WNK2: variants seen among roughly 807,000 people sequenced by gnomAD.
The protein encoded by WNK2 is serine/threonine-protein kinase WNK2.
A neutral mutation model predicts 192.1 loss-of-function variants in WNK2; 67 were observed. The ratio of observed to expected loss-of-function variants is 0.35; its 90% confidence interval spans 0.29 to 0.43. The LOEUF (loss-of-function observed/expected upper bound fraction) is 0.43, where lower values mean the gene tolerates loss of function less well. WNK2 is among the 20% of genes least tolerant of loss of function. The pLI is 1.00. For synonymous variants in WNK2, 1,439 were observed against 1,393.9 expected (o/e 1.03, Z -0.72); for missense variants, 2,698 against 3,089.7 (o/e 0.87, Z 3.01).
intron 2 of WNK2, among the ~76,000 whole-genome samples, chr9:93,223,430 T>C (rs761843130): frequency 6.6e-6 from 1 of 152,246 alleles, no homozygotes; most frequent in South Asian, 2.1e-4. Context: ...CTGGAGCTTT[T>C]CTTCGGGGGC....
intron 19 of WNK2, among the ~76,000 whole-genome samples, chr9:93,276,242 G>T (rs4744213): frequency 0.75 from 114,238 of 152,096 alleles, 44,583 homozygotes; most frequent in East Asian, 1. Flanking sequence ...TTGGCAAAGG[G>T]ATTGGTACAC....
intron 22 of WNK2, 25 bp from the exon 23 acceptor site, chr9:93,292,466 T>G (rs773822916): frequency 6.2e-7 from 1 of 1,610,192 alleles, no homozygotes; most frequent in East Asian, 2.2e-5. Context: ...ACATGAAACC[T>G]CTTCATCTCC....
intron 26 of WNK2, among the ~76,000 whole-genome samples, chr9:93,304,970 G>C (rs1347134079): frequency 2.6e-5 from 4 of 152,222 alleles, no homozygotes; most frequent in African/African-American, 9.6e-5. Context: ...CCCTGGCTCT[G>C]AGCAGGTGCC....
chr9:93,224,602 GA>G (rs1312483719), intron 2 of WNK2, among the ~76,000 whole-genome samples: 1 of 152,232 alleles, frequency 6.6e-6, no homozygotes, highest in Non-Finnish European at 1.5e-5. Flanking sequence ...TGACCCACAG[GA>G]CCTTTTTCCT....
intron 2 of WNK2, among the ~76,000 whole-genome samples, chr9:93,201,766 C>T (rs1832400751): frequency 6.6e-6 from 1 of 152,220 alleles, no homozygotes; most frequent in Non-Finnish European, 1.5e-5. Context: ...GCCTGTCAGC[C>T]TCTGTAAATA....
In WNK2 at chr9:93,288,920, C is replaced by T. The variant is rs753662833; in HGVS notation, c.4166C>T (p.Pro1389Leu). The change falls in exon 20 of 30, where the codon CCT becomes CTT. Residue 1389 changes from proline to leucine, a missense_variant. Physicochemically the swap from Pro to Leu is moderately conservative, Grantham distance 98. This residue lies in a region of WNK2 where 1,098 missense variants were observed against 1,101.0 expected (regional missense o/e 1.00). Coordinates refer to ENST00000427277, the MANE Select transcript of WNK2 (RefSeq NM_006648.4). ...APPAPLAPSS[P>L]PVTALPQDGA... ...CCAGCCCCTTTGGCCCCCTCCTCCCCTCCTGTGACTGCTCTGCCCCAAGAT... is the reference window on the plus strand; with the variant it reads ...CCAGCCCCTTTGGCCCCCTCCTCCCTTCCTGTGACTGCTCTGCCCCAAGAT... 5 of 1,607,030 alleles carry T rather than the reference C, an allele frequency of 3.1e-6. No individual in the cohort carries two copies. The highest frequency in any genetic ancestry group is 4.2e-6 in the Non-Finnish European group (5 of 1,177,350).
rs1274013250 is a variant in WNK2 at position 93,289,437 on chromosome 9, C to T, written c.4683C>T (p.Tyr1561=). 3 of 1,612,828 alleles carry T rather than the reference C, an allele frequency of 1.9e-6. No homozygotes were observed. The highest frequency in any genetic ancestry group is 2.7e-5 in the African/African-American group (2 of 74,930). ...SLDEKLRTLL[Y]QEHVPTSSAS... ...ACGAGAAGCTGCGGACTCTGCTCTA[C>T]CAGGAGCACGTGCCCACCTCCTCAG... Residue 1561 remains tyrosine, a synonymous_variant, in exon 20 of 30, where the codon TAC becomes TAT. Coordinates refer to ENST00000427277, the MANE Select transcript of WNK2 (RefSeq NM_006648.4).
chr9:93,276,534 G>T (rs1206583024), intron 19 of WNK2, among the ~76,000 whole-genome samples: 1 of 152,184 alleles, frequency 6.6e-6, no homozygotes, highest in African/African-American at 2.4e-5. Flanking sequence ...GGAGTTCTTA[G>T]ACCTGACACC....
At chr9:93,295,556 A>G (rs1046552459) in intron 23 of WNK2, among the ~76,000 whole-genome samples, 1 of 151,932 alleles carries the variant, frequency 6.6e-6, no homozygotes, top group Non-Finnish European at 1.5e-5. Context: ...CTTGCCATCA[A>G]AGGAAGAGGA....
intron 17 of WNK2, 39 bp downstream of exon 17, chr9:93,267,955 G>A: frequency 6.2e-7 from 1 of 1,610,022 alleles, no homozygotes; most frequent in Non-Finnish European, 8.5e-7. Flanking sequence ...TGGTGAGAGT[G>A]CAGTGGCTGG....
In WNK2 at chr9:93,198,480, G is replaced by T. The variant is rs150313891; in HGVS notation, c.681+12870G>T. Reference sequence around the variant, plus strand: ...CGGTAGGGCGTAGGGGCAGGGCTATGTTGTTCCTCCTACCTGCCAGCCCTG... The same window carrying T: ...CGGTAGGGCGTAGGGGCAGGGCTATTTTGTTCCTCCTACCTGCCAGCCCTG... On this transcript the variant is annotated intron_variant, in intron 2 of 29. Coordinates refer to ENST00000427277, the MANE Select transcript of WNK2 (RefSeq NM_006648.4). 3.4e-3 allele frequency among the ~76,000 whole-genome samples: 519 copies of T among 152,294 alleles called. 3 individuals are homozygous for T. The highest frequency in any genetic ancestry group is 0.011 in the African/African-American group (459 of 41,562).
chr9:93,206,851 C>T (rs906360849), intron 2 of WNK2, among the ~76,000 whole-genome samples: 3 of 152,134 alleles, frequency 2.0e-5, no homozygotes, highest in East Asian at 1.9e-4. Context: ...ACTGTGGCAG[C>T]GGCTGGATGT....
At chr9:93,304,327 G>A (rs1852114219) in intron 26 of WNK2, among the ~76,000 whole-genome samples, 1 of 152,256 alleles carries the variant, frequency 6.6e-6, no homozygotes, top group African/African-American at 2.4e-5. Flanking sequence ...CTGCACAAAA[G>A]CAGGAGATGC....
chr9:93,272,131 C>T (rs1369245902), intron 19 of WNK2, among the ~76,000 whole-genome samples: 3 of 152,208 alleles, frequency 2.0e-5, no homozygotes, highest in Non-Finnish European at 4.4e-5. Flanking sequence ...TGTTAAAGAT[C>T]TTCAGACAGA....
intron 27 of WNK2, 142 bp from the exon 28 acceptor site, chr9:93,308,186 G>A (rs1852958375): frequency 2.8e-6 from 4 of 1,432,910 alleles, no homozygotes; most frequent in South Asian, 3.0e-5. Context: ...CCCTTAATCC[G>A]ACCGCCTCTT....
At chr9:93,286,471 C>T (rs922947632) in intron 19 of WNK2, among the ~76,000 whole-genome samples, 3 of 152,162 alleles carry the variant, frequency 2.0e-5, no homozygotes, top group South Asian at 2.1e-4. Flanking sequence ...TGAGCTATCA[C>T]CTCACACCTG....
At chr9:93,284,722 G>C (rs1156332686) in intron 19 of WNK2, among the ~76,000 whole-genome samples, 1 of 152,204 alleles carries the variant, frequency 6.6e-6, no homozygotes, top group Non-Finnish European at 1.5e-5. Flanking sequence ...CTGGATTTCT[G>C]GGGGTAGGAC....
Position 93,247,662 on chromosome 9 carries a change from G to C in WNK2, c.1662G>C (p.Glu554Asp). 2 of 1,580,460 alleles carry C rather than the reference G, an allele frequency of 1.3e-6. No homozygotes were observed. Among genetic ancestry groups the C allele is most frequent in the East Asian group, 2.3e-5 (1 of 43,054 alleles). Residue 554 changes from glutamate (E) to aspartate (D), a missense_variant, in exon 8 of 30, where the codon GAG becomes GAC. Glu to Asp is a conservative substitution (Grantham distance 45). Transcript: ENST00000427277. The surrounding 1 kb of genome is among the most constrained non-coding windows in gnomAD (Gnocchi z 5.2). ...ERIWPALQPK[E>D]QQDVGSPDKA... is the part of the protein sequence containing the mutation. ...TCTGGCCCGCGCTGCAGCCCAAGGA[G>C]CAGCAGGATGTGGGCAGCCCGGACA...
At chr9:93,205,187 G>A (rs1013787917) in intron 2 of WNK2, among the ~76,000 whole-genome samples, 5 of 152,174 alleles carry the variant, frequency 3.3e-5, no homozygotes, top group Non-Finnish European at 7.4e-5. Flanking sequence ...CAATGTTACC[G>A]GTGACTGGGG....
Sources: gnomAD v4.1 joint callset for allele counts (sites outside exome capture counted in the v4.1 genomes callset) on GRCh38, gnomAD v4.1.1 for gene constraint, gnomAD v4.1.1 regional missense constraint, Gnocchi (gnomAD v3.1) non-coding constraint, MANE v1.5 for transcripts, NCBI Gene and HGNC (gene_info 2026-07-23, HGNC 2026-07-21) for gene names.